Variants in CDH8 observed in about 807,000 individuals in gnomAD.
CDH8 encodes the protein cadherin 8, also known as cadherin-8.
Under a neutral mutation model 68.1 loss-of-function variants are expected in CDH8, and 17 were observed. That is an observed-to-expected ratio of 0.25 (90% CI 0.17 to 0.37). The LOEUF is 0.37. CDH8 is among the 10% of genes least tolerant of loss of function. The pLI is 1.00. For missense variants in CDH8, 763 were observed against 999.3 expected, an observed-to-expected ratio of 0.76 and a Z score of 3.19; for synonymous variants, 372 against 365.1, an observed-to-expected ratio of 1.02 and a Z score of -0.21.
chr16:61,759,091 C>T (rs1960395639), intron 8 of CDH8, among the ~76,000 whole-genome samples: 1 of 152,206 alleles, frequency 6.6e-6, no homozygotes. Flanking sequence ...AGCAGATTCA[C>T]GAGGTGTCCA....
chr16:62,028,299 C>T (rs1183347440), intron 1 of CDH8, among the ~76,000 whole-genome samples: 1 of 151,988 alleles, frequency 6.6e-6, no homozygotes, highest in African/African-American at 2.4e-5. Flanking sequence ...AACCCCTGAA[C>T]TCAAGTGACC....
At chr16:61,708,566 G>A (rs1385073783) in intron 10 of CDH8, among the ~76,000 whole-genome samples, 1 of 152,170 alleles carries the variant, frequency 6.6e-6, no homozygotes, top group African/African-American at 2.4e-5. Context: ...AAACCTCCTT[G>A]TCTTGTGACA....
intron 2 of CDH8, among the ~76,000 whole-genome samples, chr16:61,981,652 G>GTA (rs1965530929): frequency 7.6e-6 from 1 of 132,216 alleles, no homozygotes; most frequent in African/African-American, 3.1e-5. Flanking sequence ...AAAAGAATGT[G>GTA]TGTGTGTGTG....
At chr16:62,024,598 G>A (rs1679967794) in intron 1 of CDH8, among the ~76,000 whole-genome samples, 1 of 152,148 alleles carries the variant, frequency 6.6e-6, no homozygotes, top group Non-Finnish European at 1.5e-5. Flanking sequence ...GTTAAAAAAT[G>A]ATAATAGACT....
intron 11 of CDH8, among the ~76,000 whole-genome samples, chr16:61,654,312 A>G (rs1300885801): frequency 6.6e-6 from 1 of 152,188 alleles, no homozygotes; most frequent in African/African-American, 2.4e-5. Flanking sequence ...GGCTTATTAA[A>G]TGGTGATAGA....
Position 61,650,592 on chromosome 16 carries a change from T to A in CDH8, c.*3016A>T, listed in dbSNP as rs1289206411. The A allele has an allele frequency of 1.3e-5, 2 of 152,016 alleles. No homozygotes were observed. The highest frequency in any genetic ancestry group is 4.8e-5 in the African/African-American group (2 of 41,396). The allele number at this position is 152,016 out of a possible 1,614,324, so 9.4% of individuals were successfully genotyped here. On this transcript the variant is annotated 3_prime_UTR_variant, in exon 12 of 12. Coordinates refer to ENST00000577390, the MANE Select transcript of CDH8 (RefSeq NM_001796.5). The stretch of plus-strand genomic sequence containing the variant: ...GAAAATGTTAGGAACCTTATTGATA[T>A]CTTTTGGTTGGGAAAGTCCTGGCAA...
At chr16:61,770,645 T>A (rs1162399023) in intron 8 of CDH8, among the ~76,000 whole-genome samples, 2 of 151,982 alleles carry the variant, frequency 1.3e-5, no homozygotes, top group Non-Finnish European at 2.9e-5. Context: ...ATTCTTGCTT[T>A]CCTTCTTCAC....
rs1959203142 is a variant in CDH8 at position 61,719,759 on chromosome 16, C to T, written c.1537-5801G>A. Among the ~76,000 whole-genome samples, 3 of 150,742 alleles carry T rather than the reference C, an allele frequency of 2.0e-5. No individual in the cohort carries two copies. In the South Asian group the frequency reaches 6.2e-4, roughly 31 times the overall value. On this transcript the variant is annotated intron_variant, in intron 9 of 11. Transcript: ENST00000577390. ...TTGAAAATATGTTCCATTGTTTATCCTCCCAGGGCAAGATTTTTCCAACTG... is the reference window on the plus strand; with the variant it reads ...TTGAAAATATGTTCCATTGTTTATCTTCCCAGGGCAAGATTTTTCCAACTG...
intron 2 of CDH8, among the ~76,000 whole-genome samples, chr16:62,019,173 G>A (rs1902013956): frequency 6.6e-6 from 1 of 152,286 alleles, no homozygotes; most frequent in Admixed American, 6.5e-5. Context: ...CCTTGCCTTA[G>A]GGCTGATTAA....
intron 3 of CDH8, among the ~76,000 whole-genome samples, chr16:61,860,661 T>C (rs1281641027): frequency 1.3e-5 from 2 of 151,780 alleles, no homozygotes; most frequent in African/African-American, 4.9e-5. Context: ...AGATGTAATA[T>C]TCAGTATGAT....
chr16:61,817,434 G>C, intron 7 of CDH8, 45 bp downstream of exon 7: 1 of 1,601,144 alleles, frequency 6.2e-7, no homozygotes, highest in Non-Finnish European at 8.6e-7. Context: ...TCACTGATCT[G>C]CTTGTCATTT....
intron 2 of CDH8, among the ~76,000 whole-genome samples, chr16:61,961,247 AGAGGTTGCAGT>A (rs1965149309): frequency 6.6e-6 from 1 of 151,970 alleles, no homozygotes; most frequent in African/African-American, 2.4e-5. Flanking sequence ...CCCGGGAGGC[AGAGGTTGCAGT>A]GAGCTGATAT....
At chr16:61,909,829 C>G (rs1964128784) in intron 2 of CDH8, among the ~76,000 whole-genome samples, 1 of 152,156 alleles carries the variant, frequency 6.6e-6, no homozygotes, top group South Asian at 2.1e-4. Context: ...TACCCAAAAA[C>G]TCAGCTAATA....
At chr16:61,918,880 A>G (rs550264994) in intron 2 of CDH8, among the ~76,000 whole-genome samples, 6 of 150,808 alleles carry the variant, frequency 4.0e-5, no homozygotes, top group East Asian at 2.0e-4. Flanking sequence ...GACAAACAAA[A>G]AGACAGCAGT....
At chr16:61,718,457 T>C (rs893146082) in intron 9 of CDH8, among the ~76,000 whole-genome samples, 3 of 151,316 alleles carry the variant, frequency 2.0e-5, no homozygotes, top group South Asian at 2.1e-4. Flanking sequence ...AGGTAAAACT[T>C]AGTTTCTCTT....
At chr16:61,733,199 T>A (rs2142907047) in intron 8 of CDH8, among the ~76,000 whole-genome samples, 1 of 151,958 alleles carries the variant, frequency 6.6e-6, no homozygotes, top group African/African-American at 2.4e-5. Context: ...ATGATATACA[T>A]CTGAAGCTTA....
intron 10 of CDH8, among the ~76,000 whole-genome samples, chr16:61,677,023 A>C (rs780377555): frequency 1.3e-5 from 2 of 151,998 alleles, no homozygotes; most frequent in Non-Finnish European, 2.9e-5. Context: ...CTATACCACA[A>C]AAAAAGATGG....
chr16:61,893,344 A>G (rs1963810356), intron 3 of CDH8, among the ~76,000 whole-genome samples: 1 of 151,946 alleles, frequency 6.6e-6, no homozygotes, highest in Admixed American at 6.6e-5. Context: ...GTCATACGCT[A>G]AGGTTCTGAA....
At chr16:62,033,666 CCAGTGTCTCTAAA>C (rs1382704600) in intron 1 of CDH8, among the ~76,000 whole-genome samples, 3 of 152,128 alleles carry the variant, frequency 2.0e-5, no homozygotes, top group Admixed American at 6.5e-5. Flanking sequence ...AGCACATTAG[CCAGTGTCTCTAAA>C]ACATTTGGCC....
Sources: gnomAD v4.1 joint callset for allele counts (sites outside exome capture counted in the v4.1 genomes callset) on GRCh38, gnomAD v4.1.1 for gene constraint, MANE v1.5 for transcripts, NCBI Gene and HGNC (gene_info 2026-07-23, HGNC 2026-07-21) for gene names.